Variants in RUSF1 observed in about 807,000 individuals in gnomAD.
RUSF1 encodes RUS1 family protein C16orf58.
RUSF1 carries 58 observed loss-of-function variants against 63.0 expected under a neutral mutation model. That is an observed-to-expected ratio of 0.92 (90% CI 0.75 to 1.15). The LOEUF is 1.15. Among genes scored for constraint, RUSF1 ranks in the 50% most tolerant of loss-of-function variants. The probability of loss-of-function intolerance (pLI) is 0.00; values close to 1 mark genes in which losing one functional copy is unlikely to be tolerated. For synonymous variants in RUSF1, 274 were observed against 255.8 expected, an observed-to-expected ratio of 1.07 and a Z score of -0.68; for missense variants, 652 against 611.0, an observed-to-expected ratio of 1.07 and a Z score of -0.71.
intron 6 of RUSF1, among the ~76,000 whole-genome samples, chr16:31,495,471 G>A (rs2082597257): frequency 6.6e-6 from 1 of 152,164 alleles, no homozygotes; most frequent in Admixed American, 6.5e-5. Flanking sequence ...AGTCTGCTGC[G>A]GGACTGACAC....
intron 2 of RUSF1, among the ~76,000 whole-genome samples, chr16:31,506,356 A>T (rs2082658615): frequency 6.6e-6 from 1 of 152,384 alleles, no homozygotes; most frequent in African/African-American, 2.4e-5. Flanking sequence ...AATCCAAAAA[A>T]AATTCCAAAA....
intron 2 of RUSF1, among the ~76,000 whole-genome samples, chr16:31,501,367 C>T (rs1213107758): frequency 1.3e-5 from 2 of 151,976 alleles, no homozygotes; most frequent in African/African-American, 4.8e-5. Context: ...GGTTTGGGCC[C>T]AGGGACTGCT....
intron 9 of RUSF1, 186 bp from the exon 10 acceptor site, chr16:31,493,234 C>T (rs906223859): frequency 1.2e-5 from 10 of 857,772 alleles, no homozygotes; most frequent in Non-Finnish European, 1.7e-5. Flanking sequence ...ATCCAGTCAT[C>T]CAACTTCCCC....
intron 5 of RUSF1, 103 bp downstream of exon 5, chr16:31,499,199 C>T: frequency 2.8e-6 from 3 of 1,071,608 alleles, no homozygotes; most frequent in Non-Finnish European, 4.2e-6. Context: ...TCTGAACTTT[C>T]TTATTCTTCT....
intron 2 of RUSF1, among the ~76,000 whole-genome samples, chr16:31,506,756 A>G (rs2082661005): frequency 6.6e-6 from 1 of 152,142 alleles, no homozygotes; most frequent in East Asian, 1.9e-4. Context: ...GCACTCCTGC[A>G]TCCCAGCCTG....
chr16:31,508,191 C>T lies in RUSF1; in HGVS notation c.183G>A (p.Gly61=). ...GGGGCGGTGAGGGGGCCCCGGAAGC[C>T]CCCACTTCGCCCGCATCTCGTCCTT... ...KPEGRDAGEV[G]ASGAPSPPLS... The change falls in exon 1 of 13, where the codon GGG becomes GGA. Residue 61 remains glycine (G), a synonymous_variant. Transcript: ENST00000327237. 4 of 1,566,676 alleles carry T rather than the reference C, an allele frequency of 2.6e-6. No individual in the cohort carries two copies. Among genetic ancestry groups the T allele is most frequent in the South Asian group, 1.2e-5 (1 of 85,722 alleles).
intron 11 of RUSF1, 22 bp downstream of exon 11, chr16:31,492,175 G>A (rs182515426): frequency 3.4e-5 from 54 of 1,610,276 alleles, no homozygotes; most frequent in Non-Finnish European, 4.5e-5. Context: ...GGCATCAGCA[G>A]TCTAAATCTT....
chr16:31,498,670 A>G (rs920972490), intron 5 of RUSF1, among the ~76,000 whole-genome samples: 8 of 152,066 alleles, frequency 5.3e-5, no homozygotes, highest in African/African-American at 1.9e-4. Context: ...AGTGTGCTTG[A>G]GCCCCGCGTG....
rs746475039 is a variant in RUSF1 at position 31,507,890 on chromosome 16, A to C, written c.301-12T>G. On this transcript the variant is annotated splice_polypyrimidine_tract_variant and intron_variant, in intron 1 of 12. Transcript: ENST00000327237. Reference sequence around the variant, plus strand: ...CTGGAAGCAAACGCCTGGAGAAGAAAACAAGTAGGGTGAGAAGCGGGCGTA... The same window carrying C: ...CTGGAAGCAAACGCCTGGAGAAGAACACAAGTAGGGTGAGAAGCGGGCGTA... The C allele has an allele frequency of 7.1e-6, 11 of 1,553,284 alleles. No individual in the cohort carries two copies. The African/African-American group carries it at 1.5e-4, about 21-fold the overall frequency.
rs752505450 is a variant in RUSF1, at chr16:31,490,404, C to T, written c.*431G>A. 6.2e-7 allele frequency: 1 copy of T among 1,613,546 alleles called. No individual in the cohort carries two copies. Among genetic ancestry groups the T allele is most frequent in the Non-Finnish European group, 8.5e-7 (1 of 1,179,906 alleles). ...GGTGGGCAGTCCTCCGCCCCTTACC[C>T]AGGAGGAGGCAGCGGCAGCAGCCAG... On this transcript the variant is annotated 3_prime_UTR_variant, in exon 13 of 13. Transcript: ENST00000327237.
At chr16:31,507,506 G>C (rs1428463085) in intron 2 of RUSF1, among the ~76,000 whole-genome samples, 1 of 152,184 alleles carries the variant, frequency 6.6e-6, no homozygotes, top group Non-Finnish European at 1.5e-5. Context: ...AAGGGGAGGG[G>C]ACGGGATTTG....
rs750167367 is a variant in RUSF1 at position 31,492,284 on chromosome 16, CGGCCCTTAGGATGGTCTTGG to C, written c.1124_1143del (p.Pro375ArgfsTer32). On this transcript the variant is annotated frameshift_variant, in exon 11 of 13. Transcript: ENST00000327237. LOFTEE classifies it high-confidence loss of function. ...GCCCCAAGCATCAGCCCATGTGTGGCGGCCCTTAGGATGGTCTTGGGGCCTGCCTTCTGGTTCAGAACTAC... is the reference window on the plus strand; with the variant it reads ...GCCCCAAGCATCAGCCCATGTGTGGCGGCCTGCCTTCTGGTTCAGAACTAC... 1.6e-5 allele frequency: 25 copies of C among 1,612,180 alleles called. No homozygotes were observed. The highest frequency in any genetic ancestry group is 2.1e-5 in the Non-Finnish European group (25 of 1,179,174).
At position 31,489,888 on chromosome 16, in the gene RUSF1, C is replaced by T. The variant is rs2082545452; in HGVS notation, c.*947G>A. 4.9e-6 allele frequency: 3 copies of T among 610,518 alleles called. No homozygotes were observed. Among genetic ancestry groups the T allele is most frequent in the East Asian group, 6.2e-5 (2 of 32,280 alleles). 37.8% of individuals were successfully genotyped at this position (610,518 alleles called of 1,614,324 possible). On this transcript the variant is annotated 3_prime_UTR_variant, in exon 13 of 13. Coordinates refer to ENST00000327237, the MANE Select transcript of RUSF1 (RefSeq NM_022744.4). ...GCTGACAAAGCTGGGGGAGCAAGGC[C>T]AACGGCTTTAAACACAAGCTCAGGG...
At position 31,489,891 on chromosome 16, in the gene RUSF1, C is replaced by G. The variant is rs746975838; in HGVS notation, c.*944G>C. 1.6e-6 allele frequency: 1 copy of G among 616,602 alleles called. No individual in the cohort carries two copies. Among genetic ancestry groups the G allele is most frequent in the African/African-American group, 1.8e-5 (1 of 54,788 alleles). The allele number at this position is 616,602 out of a possible 1,614,324, so 38.2% of individuals were successfully genotyped here. A position where few individuals can be genotyped will look rare whatever the true frequency, so the allele number is the denominator to read the frequency against. ...GACAAAGCTGGGGGAGCAAGGCCAA[C>G]GGCTTTAAACACAAGCTCAGGGGCT... On this transcript the variant is annotated 3_prime_UTR_variant, in exon 13 of 13. Transcript: ENST00000327237.
chr16:31,494,841 T>G (rs867852802), intron 6 of RUSF1, among the ~76,000 whole-genome samples: 1 of 152,078 alleles, frequency 6.6e-6, no homozygotes, highest in African/African-American at 2.4e-5. Context: ...CTCTGCTAAT[T>G]ATTACTGCAT....
In RUSF1 at chr16:31,500,136, T is replaced by C. The variant is rs145978697; in HGVS notation, c.461+550A>G. 5.6e-3 allele frequency among the ~76,000 whole-genome samples: 852 copies of C among 152,208 alleles called. 6 individuals are homozygous for C. The highest frequency in any genetic ancestry group is 0.02 in the African/African-American group (814 of 41,514). On this transcript the variant is annotated intron_variant, in intron 3 of 12. Transcript: ENST00000327237. ...CACAAACACTTGGAAACAACTTCTC[T>C]AGGGTCCCAGTGGCAGGAGATACTG...
rs759434471 is a variant in RUSF1 at position 31,490,027 on chromosome 16, G to A, written c.*808C>T. ...AGGTGGGTAGGGCAGGCAGTGACGA[G>A]CTGGTGTGCAAGAGACTTTAGGGCC... On this transcript the variant is annotated 3_prime_UTR_variant, in exon 13 of 13. Transcript: ENST00000327237. The A allele has an allele frequency of 3.9e-4, 621 of 1,594,102 alleles. 3 individuals are homozygous for A. Among genetic ancestry groups the A allele is most frequent in the Middle Eastern group, 1.1e-3 (5 of 4,568 alleles).
chr16:31,508,314 C>T lies in RUSF1; in HGVS notation c.60G>A (p.Glu20=), dbSNP rs750925503. 6.3e-7 allele frequency: 1 copy of T among 1,578,042 alleles called. No individual in the cohort carries two copies. Among genetic ancestry groups the T allele is most frequent in the South Asian group, 1.1e-5 (1 of 87,088 alleles). ...PLCSEQFGSG[E]ARGCRAAADG... is the part of the protein sequence containing the mutation. ...CCGCGGCGGCGCGGCAGCCCCGTGCCTCCCCGGAGCCGAACTGCTCGGAAC... is the reference window on the plus strand; with the variant it reads ...CCGCGGCGGCGCGGCAGCCCCGTGCTTCCCCGGAGCCGAACTGCTCGGAAC... Residue 20 remains glutamate (E), a synonymous_variant, in exon 1 of 13, where the codon GAG becomes GAA. Transcript: ENST00000327237.
At chr16:31,507,999 G>A in intron 1 of RUSF1, 75 bp downstream of exon 1, 3 of 1,544,968 alleles carry the variant, frequency 1.9e-6, no homozygotes, top group Non-Finnish European at 2.6e-6. Flanking sequence ...CGGGCTCCGA[G>A]TCTCAGTCAC....
Sources: allele counts gnomAD v4.1 joint callset (sites outside exome capture counted in the v4.1 genomes callset), GRCh38; gene constraint gnomAD v4.1.1; transcripts MANE v1.5; gene names NCBI Gene and HGNC (gene_info 2026-07-23, HGNC 2026-07-21).